Variants in ZNF532 observed in about 807,000 individuals in gnomAD.
The protein encoded by ZNF532 is zinc finger protein 532.
ZNF532 carries 22 observed loss-of-function variants against 89.3 expected under a neutral mutation model. The observed-to-expected ratio is 0.25, with a 90% CI of 0.18 to 0.35. The LOEUF (loss-of-function observed/expected upper bound fraction) is 0.35. Ranked by LOEUF, ZNF532 falls within the 10% of genes least tolerant of loss-of-function variation. The pLI, the probability that ZNF532 is intolerant of heterozygous loss-of-function variation, is 1.00. For synonymous variants in ZNF532, 606 were observed against 649.6 expected (o/e 0.93, Z 1.02); for missense variants, 1,132 against 1,643.4 (o/e 0.69, Z 5.38).
intron 7 of ZNF532, among the ~76,000 whole-genome samples, chr18:58,976,476 A>G (rs1167958381): frequency 1.3e-5 from 2 of 152,176 alleles, no homozygotes; most frequent in Non-Finnish European, 2.9e-5. Flanking sequence ...TGTTAGAAAG[A>G]TACATTTTTC....
At chr18:58,910,882 GT>G (rs1258212831) in intron 2 of ZNF532, among the ~76,000 whole-genome samples, 71 of 121,980 alleles carry the variant, frequency 5.8e-4, no homozygotes, top group East Asian at 1.6e-3. Flanking sequence ...AGCCTGGTTT[GT>G]TTTTTTTTTT....
chr18:58,874,785 A>G (rs2057299693), intron 2 of ZNF532, among the ~76,000 whole-genome samples: 1 of 152,198 alleles, frequency 6.6e-6, no homozygotes, highest in East Asian at 1.9e-4. Context: ...TGGTGAAAAT[A>G]TGCCAGGTTA....
chr18:58,893,512 C>G (rs1008190052), intron 2 of ZNF532, among the ~76,000 whole-genome samples: 2 of 151,732 alleles, frequency 1.3e-5, no homozygotes, highest in South Asian at 4.2e-4. Context: ...AAATATTAGC[C>G]GGGTGTGGTG....
chr18:58,886,124 G>A (rs1462245990), intron 2 of ZNF532, among the ~76,000 whole-genome samples: 2 of 151,872 alleles, frequency 1.3e-5, no homozygotes, highest in Non-Finnish European at 2.9e-5. Flanking sequence ...CTACAGGTGT[G>A]TGCCACCATG....
At chr18:58,964,428 T>A (rs1363461263) in intron 7 of ZNF532, among the ~76,000 whole-genome samples, 1 of 152,140 alleles carries the variant, frequency 6.6e-6, no homozygotes, top group East Asian at 1.9e-4. Context: ...CAGATGTGAT[T>A]AAAAGGCACA....
At position 58,879,545 on chromosome 18, in the gene ZNF532, C is replaced by A. The variant is rs374233513; in HGVS notation, c.-18+13966C>A. Among the ~76,000 whole-genome samples the A allele has an allele frequency of 4.0e-4, 61 of 152,190 alleles. 2 individuals are homozygous for A. The East Asian group carries it at 6.4e-3, about 16-fold the overall frequency. On this transcript the variant is annotated intron_variant, in intron 2 of 9. Coordinates refer to ENST00000591808, the MANE Select transcript of ZNF532 (RefSeq NM_001375912.1). ...CTGAGATTACAGGTGCTTGCCACCA[C>A]GCCCGGCTAATATTTTTGTATTTTT...
rs747574177 is a variant in ZNF532, at chr18:58,984,027, G to A, written c.3467G>A (p.Arg1156Gln). The part of the protein sequence containing the change: ...EEPVLEFRPP[R>Q]GAITQPLKKL... ...CCAGTTCTGGAGTTCAGGCCTCCCCGAGGAGCAATCACTCAACCACTGAAA... is the reference window on the plus strand; with the variant it reads ...CCAGTTCTGGAGTTCAGGCCTCCCCAAGGAGCAATCACTCAACCACTGAAA... The change falls in exon 10 of 10, where the codon CGA becomes CAA. Residue 1156 changes from arginine to glutamine, a missense_variant. Coordinates refer to ENST00000591808, the MANE Select transcript of ZNF532 (RefSeq NM_001375912.1). The A allele has an allele frequency of 1.5e-5, 24 of 1,611,632 alleles. No homozygotes were observed. The highest frequency in any genetic ancestry group is 5.4e-5 in the African/African-American group (4 of 74,762).
chr18:58,979,410 C>T (rs545673122), intron 8 of ZNF532: 23 of 234,808 alleles, frequency 9.8e-5, no homozygotes, highest in Middle Eastern at 1.5e-3. Flanking sequence ...TTTCCCGAGA[C>T]GGAGTCTCAC....
Position 58,986,301 on chromosome 18 carries a change from C to T in ZNF532, c.*1835C>T, listed in dbSNP as rs1227233525. 2 of 152,628 alleles carry T rather than the reference C, an allele frequency of 1.3e-5. No homozygotes were observed. Among genetic ancestry groups the T allele is most frequent in the African/African-American group, 4.8e-5 (2 of 41,440 alleles). 9.5% of individuals were successfully genotyped at this position (152,628 alleles called of 1,614,324 possible). On this transcript the variant is annotated 3_prime_UTR_variant, in exon 10 of 10. Transcript: ENST00000591808. ...CATAGGTCCGAATAACCTAGTTTTA[C>T]AGTTGAGGGAGCTGAGCTCAGATTC...
intron 2 of ZNF532, among the ~76,000 whole-genome samples, chr18:58,892,266 C>A (rs181534047): frequency 6.6e-6 from 1 of 152,134 alleles, no homozygotes. Context: ...AAAGGTTGTT[C>A]TTGTGGTTAC....
At chr18:58,976,596 G>A (rs1182648353) in intron 7 of ZNF532, among the ~76,000 whole-genome samples, 1 of 151,946 alleles carries the variant, frequency 6.6e-6, no homozygotes, top group Non-Finnish European at 1.5e-5. Context: ...ACAGGCTGGA[G>A]TGCAGTATCA....
chr18:58,967,044 C>T (rs930963091), intron 7 of ZNF532, among the ~76,000 whole-genome samples: 7 of 152,088 alleles, frequency 4.6e-5, no homozygotes, highest in Non-Finnish European at 8.8e-5. Flanking sequence ...AACCCCACAT[C>T]GAAGGATGTG....
At chr18:58,876,971 G>A (rs1007033715) in intron 2 of ZNF532, among the ~76,000 whole-genome samples, 1 of 151,998 alleles carries the variant, frequency 6.6e-6, no homozygotes, top group Admixed American at 6.6e-5. Context: ...GAGGCAAGAG[G>A]ATCACTTGAG....
At chr18:58,888,796 AATT>A (rs532318789) in intron 2 of ZNF532, among the ~76,000 whole-genome samples, 983 of 52,000 alleles carry the variant, frequency 0.019, 63 homozygotes, top group East Asian at 0.17. Flanking sequence ...AAATATATAT[AATT>A]TATATATATA....
At chr18:58,912,010 T>C (rs2060311550) in intron 2 of ZNF532, among the ~76,000 whole-genome samples, 1 of 152,176 alleles carries the variant, frequency 6.6e-6, no homozygotes, top group East Asian at 1.9e-4. Context: ...TTGCTCCTGA[T>C]GTGCGAGGTG....
At chr18:58,951,821 T>C (rs368874127) in intron 6 of ZNF532, among the ~76,000 whole-genome samples, 17 of 152,078 alleles carry the variant, frequency 1.1e-4, no homozygotes, top group East Asian at 3.8e-4. Flanking sequence ...GGCTAATTTT[T>C]TGTATTTTTA....
At chr18:58,894,423 C>T (rs948463778) in intron 2 of ZNF532, among the ~76,000 whole-genome samples, 4 of 146,910 alleles carry the variant, frequency 2.7e-5, no homozygotes, top group African/African-American at 5.1e-5. Flanking sequence ...GCTGAGATTG[C>T]ACCACTGCAC....
intron 7 of ZNF532, among the ~76,000 whole-genome samples, chr18:58,957,406 C>CACAT (rs1555751185): frequency 7.2e-6 from 1 of 138,912 alleles, no homozygotes; most frequent in African/African-American, 2.7e-5. Context: ...ACTTAAAATA[C>CACAT]ATATATATAT....
At chr18:58,969,752 A>G (rs2066274614) in intron 7 of ZNF532, among the ~76,000 whole-genome samples, 1 of 152,098 alleles carries the variant, frequency 6.6e-6, no homozygotes, top group Non-Finnish European at 1.5e-5. Flanking sequence ...AAAAACAGCA[A>G]TTATCTTTAA....
Sources: allele counts gnomAD v4.1 joint callset (sites outside exome capture counted in the v4.1 genomes callset), GRCh38; gene constraint gnomAD v4.1.1; transcripts MANE v1.5; gene names NCBI Gene and HGNC (gene_info 2026-07-23, HGNC 2026-07-21).